The following DSCAML1 variants were observed in gnomAD, a reference collection of about 807,000 sequenced individuals.
The protein encoded by DSCAML1 is DS cell adhesion molecule like 1, also known as cell adhesion molecule DSCAML1.
DSCAML1 carries 38 observed loss-of-function variants against 200.5 expected under a neutral mutation model. The observed-to-expected ratio is 0.19, with a 90% CI of 0.15 to 0.25. The LOEUF (loss-of-function observed/expected upper bound fraction) is 0.25. Among genes scored for constraint, DSCAML1 ranks in the 10% least tolerant of loss-of-function variants. DSCAML1 has a pLI of 1.00. For synonymous variants in DSCAML1, 1,215 were observed against 1,165.0 expected, an observed-to-expected ratio of 1.04 and a Z score of -0.87; for missense variants, 2,223 against 2,858.8, an observed-to-expected ratio of 0.78 and a Z score of 5.07.
At chr11:117,525,176 G>A in intron 4 of DSCAML1, 93 bp from the exon 5 acceptor site, 2 of 1,406,850 alleles carry the variant, frequency 1.4e-6, no homozygotes, top group East Asian at 2.6e-5. Flanking sequence ...ACAGGAGCCT[G>A]CTGCCCACTG....
rs188697581 is a variant in DSCAML1, at chr11:117,563,565, T to C, written c.512-31043A>G. Among the ~76,000 whole-genome samples, 90 of 152,334 alleles carry C rather than the reference T, an allele frequency of 5.9e-4. 1 individual carries two copies. The East Asian group carries it at 0.012, about 21-fold the overall frequency. On this transcript the variant is annotated intron_variant, in intron 3 of 32. Coordinates refer to ENST00000651296, the MANE Select transcript of DSCAML1 (RefSeq NM_020693.4). ...CACACGTTCACCTGTCATTAGGCCT[T>C]GTTCCCCATGTGGTGTGTCTATCAT...
At chr11:117,573,888 C>T (rs988326577) in intron 3 of DSCAML1, among the ~76,000 whole-genome samples, 4 of 152,212 alleles carry the variant, frequency 2.6e-5, no homozygotes, top group African/African-American at 2.4e-5. Flanking sequence ...GAATGCCCAG[C>T]ATCTGCCAGC....
chr11:117,812,497 CATT>C (rs2055769494), intron 1 of DSCAML1, among the ~76,000 whole-genome samples: 1 of 151,984 alleles, frequency 6.6e-6, no homozygotes. Context: ...CTCCACAATC[CATT>C]ATTCTGTTCT....
intron 1 of DSCAML1, among the ~76,000 whole-genome samples, chr11:117,783,715 G>A (rs1046779386): frequency 2.6e-5 from 4 of 152,154 alleles, no homozygotes; most frequent in African/African-American, 7.2e-5. Flanking sequence ...GCTTTGCCTC[G>A]CCTCAGAGCT....
chr11:117,453,746 C>CTTTCTTTTTTTTTTTTTTTTT (rs748920908), intron 19 of DSCAML1, among the ~76,000 whole-genome samples: 1 of 138,182 alleles, frequency 7.2e-6, no homozygotes, highest in African/African-American at 2.8e-5. Context: ...TTCTTTCTTT[C>CTTTCTTTTTTTTTTTTTTTTT]TTTTTTTTTT....
chr11:117,812,816 A>G (rs182909651), intron 1 of DSCAML1, among the ~76,000 whole-genome samples: 2,113 of 148,668 alleles, frequency 0.014, 50 homozygotes, highest in Middle Eastern at 0.087. Context: ...TGGTTAGTGC[A>G]GTCAAAATTC....
chr11:117,572,519 C>T (rs1193552911), intron 3 of DSCAML1, among the ~76,000 whole-genome samples: 1 of 152,202 alleles, frequency 6.6e-6, no homozygotes, highest in Non-Finnish European at 1.5e-5. Flanking sequence ...GCCGTAGGGA[C>T]TCCTTGCCCC....
intron 8 of DSCAML1, among the ~76,000 whole-genome samples, chr11:117,509,053 A>G (rs1175955255): frequency 2.0e-5 from 3 of 152,130 alleles, no homozygotes; most frequent in African/African-American, 7.2e-5. Context: ...GGGAAAGTAG[A>G]AACACACTTC....
intron 8 of DSCAML1, among the ~76,000 whole-genome samples, chr11:117,508,875 T>C (rs138787514): frequency 6.6e-6 from 1 of 152,166 alleles, no homozygotes; most frequent in Non-Finnish European, 1.5e-5. Flanking sequence ...AGAGACATAG[T>C]GAAATCAGGC....
At position 117,435,703 on chromosome 11, in the gene DSCAML1, A is replaced by G. The variant is rs766282093; in HGVS notation, c.4817T>C (p.Val1606Ala). 2 of 1,612,396 alleles carry G rather than the reference A, an allele frequency of 1.2e-6. No homozygotes were observed. Among genetic ancestry groups the G allele is most frequent in the Non-Finnish European group, 1.7e-6 (2 of 1,178,774 alleles). The change falls in exon 27 of 33, where the codon GTG becomes GCG. Residue 1606 changes from valine (V) to alanine (A), a missense_variant. By Grantham distance (64) the Val-to-Ala change is moderately conservative (BLOSUM62 0). This residue lies in a region of DSCAML1 where 614 missense variants were observed against 739.1 expected (regional missense o/e 0.83). Coordinates refer to ENST00000651296, the MANE Select transcript of DSCAML1 (RefSeq NM_020693.4). ...CTTGCGTACGATGAAGAGCAGTGCC[A>G]CCCCCAGTGTGGCCAGGATGACAGG... ...GCPVILATLG[V>A]ALLFIVRKKR...
intron 3 of DSCAML1, among the ~76,000 whole-genome samples, chr11:117,607,083 C>T (rs955533798): frequency 2.0e-5 from 3 of 152,182 alleles, no homozygotes; most frequent in East Asian, 1.9e-4. Context: ...AGGTCTCCTT[C>T]GTAAAGAGGC....
intron 8 of DSCAML1, among the ~76,000 whole-genome samples, chr11:117,509,655 G>A (rs984934696): frequency 2.0e-5 from 3 of 152,188 alleles, no homozygotes; most frequent in Non-Finnish European, 4.4e-5. Context: ...GCTGTGAGTG[G>A]GGTCTCCAAA....
In DSCAML1 at chr11:117,780,472, A is replaced by C. The variant is rs765104211; in HGVS notation, c.364+21T>G. The C allele has an allele frequency of 2.1e-6, 3 of 1,420,574 alleles. No homozygotes were observed. In the Admixed American group the frequency reaches 8.6e-5, roughly 41 times the overall value. The allele number at this position is 1,420,574 out of a possible 1,614,324, so 88.0% of individuals were successfully genotyped here. A position where few individuals can be genotyped will look rare whatever the true frequency, so the allele number is the denominator to read the frequency against. On this transcript the variant is annotated intron_variant, in intron 2 of 32. Transcript: ENST00000651296. The surrounding 1 kb of genome is among the most constrained non-coding windows in gnomAD (Gnocchi z 4.8). The stretch of plus-strand genomic sequence containing the variant: ...CAGCCTCCTCCTGTGCCACTGGGGC[A>C]GCCAGTGTCTTGTCCCTTACCTGCT...
chr11:117,571,906 C>G (rs1385762459), intron 3 of DSCAML1, among the ~76,000 whole-genome samples: 1 of 152,200 alleles, frequency 6.6e-6, no homozygotes, highest in Non-Finnish European at 1.5e-5. Flanking sequence ...ATGGTGATGA[C>G]AGTGACCTCT....
rs1180653244 is a variant in DSCAML1, at chr11:117,505,347, A to C, written c.2062+107T>G. On this transcript the variant is annotated intron_variant, in intron 9 of 32. Coordinates refer to ENST00000651296, the MANE Select transcript of DSCAML1 (RefSeq NM_020693.4). This position sits in a 1 kb window ranked among gnomAD's most constrained non-coding sequence, Gnocchi z 6.7. ...TCCAACAGGCCCTTCAAGATGCTGG[A>C]GCCCACCTTCCATGAGCCCGTGATT... The C allele has an allele frequency of 6.9e-7, 1 of 1,451,122 alleles. No individual in the cohort carries two copies. Among genetic ancestry groups the C allele is most frequent in the Non-Finnish European group, 9.3e-7 (1 of 1,079,298 alleles). The allele number at this position is 1,451,122 out of a possible 1,614,324, so 89.9% of individuals were successfully genotyped here. A position where few individuals can be genotyped will look rare whatever the true frequency, so the allele number is the denominator to read the frequency against.
intron 3 of DSCAML1, among the ~76,000 whole-genome samples, chr11:117,556,730 A>T (rs1446785750): frequency 1.3e-5 from 2 of 152,146 alleles, no homozygotes; most frequent in African/African-American, 4.8e-5. Flanking sequence ...GGGTGTAACC[A>T]TGTCCTTGGC....
At chr11:117,658,140 C>G (rs951219051) in intron 3 of DSCAML1, among the ~76,000 whole-genome samples, 1 of 152,160 alleles carries the variant, frequency 6.6e-6, no homozygotes, top group Non-Finnish European at 1.5e-5. Context: ...GCTGTCTTTA[C>G]AAGCACAGGA....
At chr11:117,527,228 A>ATAT (rs2049992452) in intron 4 of DSCAML1, among the ~76,000 whole-genome samples, 1 of 152,234 alleles carries the variant, frequency 6.6e-6, no homozygotes, top group African/African-American at 2.4e-5. Flanking sequence ...AATAGATAAC[A>ATAT]TATGGACTTG....
intron 16 of DSCAML1, among the ~76,000 whole-genome samples, chr11:117,466,960 C>T (rs1244409442): frequency 1.3e-5 from 2 of 152,190 alleles, no homozygotes; most frequent in African/African-American, 2.4e-5. Flanking sequence ...ACGCCAAGGC[C>T]AGGGATTGGG....
Sources: gnomAD v4.1 joint callset for allele counts (sites outside exome capture counted in the v4.1 genomes callset) on GRCh38, gnomAD v4.1.1 for gene constraint, gnomAD v4.1.1 regional missense constraint, Gnocchi (gnomAD v3.1) non-coding constraint, MANE v1.5 for transcripts, NCBI Gene and HGNC (gene_info 2026-07-23, HGNC 2026-07-21) for gene names.